The following ODF2 variants were observed in gnomAD, a reference collection of about 807,000 sequenced individuals.
ODF2 encodes the protein outer dense fiber protein 2.
ODF2 carries 47 observed loss-of-function variants against 110.2 expected under a neutral mutation model. The observed-to-expected ratio is 0.43, with a 90% CI of 0.34 to 0.54. The LOEUF (loss-of-function observed/expected upper bound fraction) is 0.54. Among genes scored for constraint, ODF2 ranks in the 20% least tolerant of loss-of-function variants. ODF2 has a pLI of 0.03. For synonymous variants in ODF2, 352 were observed against 397.7 expected (o/e 0.89, Z 1.37); for missense variants, 812 against 1,054.5 (o/e 0.77, Z 3.19).
At chr9:128,470,705 G>A (rs1839778015) in intron 5 of ODF2, among the ~76,000 whole-genome samples, 1 of 151,696 alleles carries the variant, frequency 6.6e-6, no homozygotes, top group African/African-American at 2.4e-5. Flanking sequence ...CCTATGGTGT[G>A]CCAGCCAAAC....
chr9:128,469,782 C>T (rs1043116982), intron 5 of ODF2, among the ~76,000 whole-genome samples: 1 of 150,368 alleles, frequency 6.7e-6, no homozygotes, highest in Non-Finnish European at 1.5e-5. Flanking sequence ...GTCAGGAGTT[C>T]GAGACCAGCC....
chr9:128,498,694 G>A, intron 19 of ODF2, 119 bp downstream of exon 19: 4 of 660,386 alleles, frequency 6.1e-6, no homozygotes, highest in Middle Eastern at 2.8e-4. Context: ...TGAATTAGTT[G>A]TAAGGATCAC....
intron 4 of ODF2, among the ~76,000 whole-genome samples, chr9:128,464,156 CTT>C (rs1288565881): frequency 9.3e-5 from 11 of 118,540 alleles, no homozygotes; most frequent in Admixed American, 3.7e-4. Context: ...CCAAAAATGC[CTT>C]TTTTTTTTTT....
At chr9:128,455,359 GC>G (rs771578602), upstream of ODF2, 42 of 651,664 alleles carry the variant, frequency 6.4e-5, no homozygotes, top group Non-Finnish European at 9.8e-5. Flanking sequence ...AGACTATCCT[GC>G]CCAACACGGT....
rs541569450 is a variant in ODF2 at position 128,494,439 on chromosome 9, G to T, written c.1753-71G>T. On this transcript the variant is annotated intron_variant, in intron 16 of 20. Coordinates refer to ENST00000604420, the Ensembl canonical transcript of ODF2. This position sits in a 1 kb window ranked among gnomAD's most constrained non-coding sequence, Gnocchi z 4.6. ...CCCTAACTCTAAAGGACTCTGCCTGGCTCCACTAGGAGCCAGGTCTTTCCT... is the reference window on the plus strand; with the variant it reads ...CCCTAACTCTAAAGGACTCTGCCTGTCTCCACTAGGAGCCAGGTCTTTCCT... The T allele has an allele frequency of 3.1e-5, 44 of 1,434,132 alleles. No homozygotes were observed. The highest frequency in any genetic ancestry group is 3.5e-4 in the Middle Eastern group (2 of 5,682). 88.8% of individuals were successfully genotyped at this position (1,434,132 alleles called of 1,614,324 possible).
At chr9:128,462,821 C>T (rs1284646030) in intron 4 of ODF2, among the ~76,000 whole-genome samples, 7 of 151,928 alleles carry the variant, frequency 4.6e-5, no homozygotes, top group African/African-American at 7.3e-5. Context: ...TCTCGATCTC[C>T]TGACCTCATG....
chr9:128,482,705 G>A, intron 9 of ODF2, 111 bp from the exon 10 acceptor site: 1 of 665,718 alleles, frequency 1.5e-6, no homozygotes, highest in Non-Finnish European at 2.6e-6. Flanking sequence ...ATGGGCCAAT[G>A]TATGTAGGAC....
chr9:128,481,492 T>G, intron 8 of ODF2, 88 bp from the exon 9 acceptor site: 2 of 1,076,586 alleles, frequency 1.9e-6, no homozygotes, highest in Non-Finnish European at 2.7e-6. Flanking sequence ...AAAAATACAA[T>G]TTTTGGAAAA....
intron 8 of ODF2, among the ~76,000 whole-genome samples, chr9:128,477,670 A>G (rs978451813): frequency 2.0e-5 from 3 of 150,768 alleles, no homozygotes; most frequent in Non-Finnish European, 4.4e-5. Context: ...CAGTGGCGCA[A>G]TCTCAGCTCA....
intron 8 of ODF2, among the ~76,000 whole-genome samples, chr9:128,476,223 G>A (rs1841227809): frequency 6.6e-6 from 1 of 152,090 alleles, no homozygotes; most frequent in East Asian, 1.9e-4. Flanking sequence ...TCTCCTGCTT[G>A]GTTCTAAGCA....
chr9:128,469,472 G>A, intron 5 of ODF2, 119 bp downstream of exon 5: 1 of 1,077,382 alleles, frequency 9.3e-7, no homozygotes. Flanking sequence ...CCTCTGCAGG[G>A]TTGCCCCGGG....
At chr9:128,462,764 T>G (rs1836841516) in intron 4 of ODF2, among the ~76,000 whole-genome samples, 1 of 152,106 alleles carries the variant, frequency 6.6e-6, no homozygotes, top group South Asian at 2.1e-4. Context: ...CATGCCCGGC[T>G]AATTTTTTAT....
rs371072243 is a variant in ODF2, at chr9:128,459,796, T to C, written c.123+139T>C. The C allele has an allele frequency of 1.2e-4, 73 of 624,986 alleles. 2 individuals carry two copies. The East Asian group carries it at 1.5e-3, about 13-fold the overall frequency. The allele number at this position is 624,986 out of a possible 1,614,324, so 38.7% of individuals were successfully genotyped here. A position where few individuals can be genotyped will look rare whatever the true frequency, so the allele number is the denominator to read the frequency against. ...CTGCTAGGTGCTGTTATACATACTC[T>C]GCTGATTTTTAATTATGATCATCAT... On this transcript the variant is annotated intron_variant, in intron 3 of 20. Coordinates refer to ENST00000604420, the Ensembl canonical transcript of ODF2.
rs1039290047 is a variant in ODF2, at chr9:128,466,170, A to G, written c.250-3013A>G. ...AAAACAAAAAAAACGGAAAAGAAAA[A>G]CGAAAAGAGGACTGGCCGGGCCTGG... is the stretch of plus-strand genomic sequence containing the variant. On this transcript the variant is annotated intron_variant, in intron 4 of 20. Coordinates refer to ENST00000604420, the Ensembl canonical transcript of ODF2. Among the ~76,000 whole-genome samples the G allele has an allele frequency of 4.8e-5, 7 of 146,866 alleles. No individual in the cohort carries two copies. The Admixed American group carries it at 4.8e-4, about 10-fold the overall frequency.
chr9:128,484,906 C>T lies in ODF2; in HGVS notation c.1290+20C>T. On this transcript the variant is annotated intron_variant, in intron 12 of 20. Transcript: ENST00000604420. ...GACAAGGTCGCAGGCCCGCGGTGCC[C>T]AGCTCCTCACCTGCCCTGAGGAGGG... 6.2e-7 allele frequency: 1 copy of T among 1,609,878 alleles called. No individual in the cohort carries two copies. The highest frequency in any genetic ancestry group is 8.5e-7 in the Non-Finnish European group (1 of 1,178,456).
intron 4 of ODF2, among the ~76,000 whole-genome samples, chr9:128,464,615 T>TC (rs1185786369): frequency 6.6e-6 from 1 of 151,882 alleles, no homozygotes; most frequent in Non-Finnish European, 1.5e-5. Flanking sequence ...TTCTCCTGCC[T>TC]CAGCCTCTGA....
chr9:128,459,488 G>A (rs770487089), intron 2 of ODF2, 79 bp from the exon 2 acceptor site: 4 of 1,116,920 alleles, frequency 3.6e-6, no homozygotes, highest in Non-Finnish European at 4.0e-6. Flanking sequence ...ACCGTAGTCA[G>A]TGTGTAATTT....
At chr9:128,468,812 A>G (rs10819388) in intron 4 of ODF2, 171,059 of 172,878 alleles carry the variant, frequency 0.99, 84,656 homozygotes, top group South Asian at 1. Flanking sequence ...GTGAGCCACC[A>G]TGCCCAGCGC....
At chr9:128,499,201 GT>G (rs1846153177) in intron 20 of ODF2, 75 bp downstream of exon 20, 2 of 1,566,792 alleles carry the variant, frequency 1.3e-6, no homozygotes, top group East Asian at 2.3e-5. Context: ...GGGCCAAGGT[GT>G]TTTGTTGTTA....
Sources: allele counts gnomAD v4.1 joint callset (sites outside exome capture counted in the v4.1 genomes callset), GRCh38; gene constraint gnomAD v4.1.1; non-coding constraint Gnocchi (gnomAD v3.1); transcripts MANE v1.5; gene names NCBI Gene and HGNC (gene_info 2026-07-23, HGNC 2026-07-21).